The following NELL1 variants were observed in gnomAD, a reference collection of about 807,000 sequenced individuals.
NELL1 encodes the protein neural EGFL like 1, also known as protein kinase C-binding protein NELL1.
NELL1 carries 76 observed loss-of-function variants against 107.4 expected under a neutral mutation model. That is an observed-to-expected ratio of 0.71 (90% confidence interval 0.59 to 0.86). The LOEUF (loss-of-function observed/expected upper bound fraction) is 0.86. NELL1 is among the 40% of genes least tolerant of loss of function. The probability of loss-of-function intolerance (pLI) is 0.00; values close to 1 mark genes in which losing one functional copy is unlikely to be tolerated. For missense variants in NELL1, 1,024 were observed against 1,005.5 expected (o/e 1.02, Z -0.25); for synonymous variants, 353 against 341.2 (o/e 1.03, Z -0.38).
At chr11:21,255,136 G>A (rs142645722) in intron 14 of NELL1, among the ~76,000 whole-genome samples, 300 of 152,170 alleles carry the variant, frequency 2.0e-3, no homozygotes, top group Non-Finnish European at 3.3e-3. Flanking sequence ...ACCCTGGGTG[G>A]AGTGGTCTTA....
intron 11 of NELL1, among the ~76,000 whole-genome samples, chr11:20,956,705 C>A (rs1408263955): frequency 6.6e-6 from 1 of 151,468 alleles, no homozygotes; most frequent in East Asian, 1.9e-4. Flanking sequence ...CCTAGAAAAG[C>A]AAAGTGATTT....
chr11:20,950,448 T>G (rs1427799836), intron 11 of NELL1, among the ~76,000 whole-genome samples: 1 of 152,218 alleles, frequency 6.6e-6, no homozygotes, highest in Non-Finnish European at 1.5e-5. Flanking sequence ...AACATAATCA[T>G]CTCTCACAAT....
At chr11:21,042,222 C>T (rs1403927374) in intron 12 of NELL1, among the ~76,000 whole-genome samples, 1 of 152,158 alleles carries the variant, frequency 6.6e-6, no homozygotes, top group Admixed American at 6.6e-5. Flanking sequence ...ATAAAGAATT[C>T]ATCAAAACAA....
intron 15 of NELL1, among the ~76,000 whole-genome samples, chr11:21,456,058 ATTAT>A (rs1853722688): frequency 6.6e-6 from 1 of 151,518 alleles, no homozygotes; most frequent in Non-Finnish European, 1.5e-5. Flanking sequence ...AGCCTGGCTA[ATTAT>A]TTGTATTTTT....
At chr11:21,152,354 C>T (rs1856137644) in intron 13 of NELL1, among the ~76,000 whole-genome samples, 2 of 152,092 alleles carry the variant, frequency 1.3e-5, no homozygotes, top group South Asian at 4.1e-4. Flanking sequence ...TATGTTTTTG[C>T]TTGACATTGA....
intron 4 of NELL1, among the ~76,000 whole-genome samples, chr11:20,884,222 T>A (rs774465313): frequency 3.3e-5 from 5 of 152,172 alleles, no homozygotes; most frequent in Non-Finnish European, 5.9e-5. Context: ...AGGCTCACCA[T>A]CACTCACTTT....
intron 14 of NELL1, among the ~76,000 whole-genome samples, chr11:21,322,117 A>C (rs1294964083): frequency 1.3e-5 from 2 of 152,188 alleles, no homozygotes; most frequent in Non-Finnish European, 1.5e-5. Flanking sequence ...AGTCTAAGAC[A>C]ACTCTCCTGT....
chr11:21,442,928 G>A (rs950520693), intron 15 of NELL1, among the ~76,000 whole-genome samples: 1 of 81,816 alleles, frequency 1.2e-5, no homozygotes, highest in South Asian at 4.2e-4. Flanking sequence ...AAATGGAAAT[G>A]TTTGCTATCT....
intron 12 of NELL1, among the ~76,000 whole-genome samples, chr11:21,014,705 A>G (rs1432964671): frequency 2.0e-5 from 3 of 152,102 alleles, no homozygotes; most frequent in African/African-American, 7.2e-5. Flanking sequence ...ACATGGTGCT[A>G]TGTTAGCTGC....
chr11:21,277,253 C>T (rs1423085221), intron 14 of NELL1, among the ~76,000 whole-genome samples: 1 of 152,138 alleles, frequency 6.6e-6, no homozygotes, highest in South Asian at 2.1e-4. Flanking sequence ...TGAACAGACA[C>T]TTCTCAAAAG....
intron 12 of NELL1, among the ~76,000 whole-genome samples, chr11:21,056,722 C>T (rs773380267): frequency 7.2e-5 from 11 of 152,048 alleles, no homozygotes; most frequent in East Asian, 1.9e-4. Flanking sequence ...AATAAATGTT[C>T]CTGTAAACAT....
intron 13 of NELL1, among the ~76,000 whole-genome samples, chr11:21,117,321 T>C (rs1246462850): frequency 6.8e-4 from 104 of 152,178 alleles, no homozygotes; most frequent in Non-Finnish European, 5.9e-5. Context: ...TCTGTCTCTT[T>C]CCACTAGAAT....
At chr11:21,005,777 G>A (rs1004827598) in intron 12 of NELL1, among the ~76,000 whole-genome samples, 1 of 152,140 alleles carries the variant, frequency 6.6e-6, no homozygotes, top group Admixed American at 6.6e-5. Context: ...TAACCGTGAT[G>A]GATTCTTTAG....
rs533744066 is a variant in NELL1 at position 20,678,288 on chromosome 11, T to G, written c.184+228T>G. On this transcript the variant is annotated intron_variant, in intron 2 of 19. Transcript: ENST00000357134. Reference sequence around the variant, plus strand: ...TGGCAGTGAAATATTTCCTTGATTTTGGTGAGGATCTAAAGTGGGATGGAT... The same window carrying G: ...TGGCAGTGAAATATTTCCTTGATTTGGGTGAGGATCTAAAGTGGGATGGAT... 2.0e-5 allele frequency among the ~76,000 whole-genome samples: 3 copies of G among 152,304 alleles called. No homozygotes were observed. The East Asian group carries it at 5.8e-4, about 29-fold the overall frequency.
chr11:20,716,029 T>C (rs1262177654), intron 2 of NELL1, among the ~76,000 whole-genome samples: 1 of 152,180 alleles, frequency 6.6e-6, no homozygotes, highest in Non-Finnish European at 1.5e-5. Flanking sequence ...AAAATGTAAG[T>C]GAAAAAAAGA....
At chr11:21,449,764 G>C (rs867328713) in intron 15 of NELL1, among the ~76,000 whole-genome samples, 11 of 152,274 alleles carry the variant, frequency 7.2e-5, no homozygotes, top group Middle Eastern at 3.4e-3. Context: ...TTATTGTTCT[G>C]TTGCATGTGG....
chr11:21,227,837 C>T (rs888109395), intron 13 of NELL1, among the ~76,000 whole-genome samples: 1 of 152,122 alleles, frequency 6.6e-6, no homozygotes, highest in Non-Finnish European at 1.5e-5. Context: ...CAATCAGATG[C>T]ATGTGTGTGC....
intron 13 of NELL1, among the ~76,000 whole-genome samples, chr11:21,142,182 A>C (rs1449665677): frequency 6.6e-6 from 1 of 152,180 alleles, no homozygotes; most frequent in Non-Finnish European, 1.5e-5. Flanking sequence ...AAATTCTACC[A>C]GCTGGGGGCG....
intron 15 of NELL1, among the ~76,000 whole-genome samples, chr11:21,463,727 T>C (rs749526072): frequency 6.6e-5 from 10 of 152,114 alleles, no homozygotes; most frequent in Non-Finnish European, 1.5e-4. Flanking sequence ...CTTAGTGGCA[T>C]AAGACAATGA....
Sources: gnomAD v4.1 joint callset for allele counts (sites outside exome capture counted in the v4.1 genomes callset) on GRCh38, gnomAD v4.1.1 for gene constraint, MANE v1.5 for transcripts, NCBI Gene and HGNC (gene_info 2026-07-23, HGNC 2026-07-21) for gene names.